Variants in ACTL6A observed in about 807,000 individuals in gnomAD.
The protein encoded by ACTL6A is actin-like protein 6A.
In ACTL6A, 5 loss-of-function variants were observed where a neutral mutation model predicts 59.2. The ratio of observed to expected loss-of-function variants is 0.08; its 90% CI spans 0.04 to 0.18. The LOEUF (loss-of-function observed/expected upper bound fraction) is 0.18, where lower values mean the gene tolerates loss of function less well. Ranked by LOEUF, ACTL6A falls within the 10% of genes least tolerant of loss-of-function variation. ACTL6A has a pLI of 1.00. For synonymous variants in ACTL6A, 154 were observed against 171.8 expected (o/e 0.90, Z 0.81); for missense variants, 285 against 526.9 (o/e 0.54, Z 4.49).
intron 1 of ACTL6A, among the ~76,000 whole-genome samples, chr3:179,563,447 T>C (rs1299143030): frequency 6.6e-6 from 1 of 152,200 alleles, no homozygotes; most frequent in African/African-American, 2.4e-5. Flanking sequence ...GGGCCCCGGC[T>C]TGGGTGACCG....
chr3:179,586,484 AAAG>A, intron 12 of ACTL6A, 59 bp from the exon 13 acceptor site: 67 of 1,254,376 alleles, frequency 5.3e-5, no homozygotes, highest in Admixed American at 3.8e-4. Context: ...AAAAAAAAAA[AAAG>A]AATTTTCTAA....
intron 11 of ACTL6A, among the ~76,000 whole-genome samples, chr3:179,582,991 GT>G (rs1483168935): frequency 1.3e-5 from 2 of 152,160 alleles, no homozygotes; most frequent in Admixed American, 6.6e-5. Flanking sequence ...AGGCAGGATT[GT>G]TTGAACCCAG....
At chr3:179,563,212 C>T (rs1391269067) in intron 1 of ACTL6A, 95 bp downstream of exon 1, 6 of 1,512,636 alleles carry the variant, frequency 4.0e-6, no homozygotes, top group Admixed American at 4.0e-5. Context: ...CGTTCCCTTC[C>T]GGTCTCCCCC....
chr3:179,569,718 A>T, intron 1 of ACTL6A, 106 bp from the exon 2 acceptor site: 1 of 917,346 alleles, frequency 1.1e-6, no homozygotes, highest in Non-Finnish European at 1.8e-6. Flanking sequence ...TGGAAGACTG[A>T]GGCGGGAGGA....
intron 11 of ACTL6A, among the ~76,000 whole-genome samples, chr3:179,582,165 T>G (rs978558246): frequency 6.6e-6 from 1 of 152,258 alleles, no homozygotes; most frequent in East Asian, 1.9e-4. Context: ...TGGGATTTTT[T>G]TAGCGCAAAT....
intron 1 of ACTL6A, among the ~76,000 whole-genome samples, chr3:179,567,173 C>T (rs897423639): frequency 6.6e-6 from 1 of 152,064 alleles, no homozygotes; most frequent in African/African-American, 2.4e-5. Context: ...TGAGACCAGC[C>T]TGGCCAACAT....
chr3:179,586,489 ATTTT>A, intron 12 of ACTL6A, 53 bp from the exon 13 acceptor site: 2 of 1,221,274 alleles, frequency 1.6e-6, no homozygotes, highest in South Asian at 3.2e-5. Context: ...AAAAAAAAGA[ATTTT>A]CTAAGTTGAG....
chr3:179,569,931 G>A (rs1360398374), intron 2 of ACTL6A, 31 bp downstream of exon 2: 1 of 1,598,096 alleles, frequency 6.3e-7, no homozygotes, highest in Non-Finnish European at 8.5e-7. Flanking sequence ...AATTGGATAT[G>A]TAAAGCCATT....
intron 8 of ACTL6A, among the ~76,000 whole-genome samples, chr3:179,577,788 C>A (rs776566471): frequency 3.3e-5 from 5 of 151,380 alleles, no homozygotes; most frequent in Non-Finnish European, 7.4e-5. Context: ...AGCTCCATCC[C>A]TGTTCCTTCA....
chr3:179,575,844 A>G (rs1718151323), intron 5 of ACTL6A, among the ~76,000 whole-genome samples: 1 of 152,144 alleles, frequency 6.6e-6, no homozygotes, highest in Admixed American at 6.6e-5. Context: ...ACAACCTCCC[A>G]CTGTTCTTAC....
At chr3:179,579,954 A>G (rs1346275093) in intron 8 of ACTL6A, among the ~76,000 whole-genome samples, 1 of 152,088 alleles carries the variant, frequency 6.6e-6, no homozygotes, top group African/African-American at 2.4e-5. Flanking sequence ...TTTTATTTTT[A>G]TAGAGACAGT....
At chr3:179,568,656 T>C (rs1477352550) in intron 1 of ACTL6A, among the ~76,000 whole-genome samples, 1 of 152,182 alleles carries the variant, frequency 6.6e-6, no homozygotes, top group African/African-American at 2.4e-5. Flanking sequence ...CATATGTAGA[T>C]CTAAAGTGTT....
At chr3:179,567,867 CTG>C (rs1177454318) in intron 1 of ACTL6A, among the ~76,000 whole-genome samples, 7 of 152,102 alleles carry the variant, frequency 4.6e-5, no homozygotes, top group Non-Finnish European at 8.8e-5. Context: ...AAATATGTCT[CTG>C]TTTTATTTGA....
chr3:179,575,448 AAGGC>A, intron 5 of ACTL6A: 1 of 456,742 alleles, frequency 2.2e-6, no homozygotes, highest in South Asian at 1.5e-5. Flanking sequence ...CTTCAGGGAA[AAGGC>A]AGTTTTGGTG....
intron 4 of ACTL6A, 99 bp downstream of exon 4, chr3:179,573,568 T>G: frequency 1.3e-6 from 1 of 767,618 alleles, no homozygotes; most frequent in Non-Finnish European, 2.0e-6. Flanking sequence ...CATTTTTCTT[T>G]AAAGAGGCAT....
Position 179,563,019 on chromosome 3 carries a change from G to C in ACTL6A, c.-74G>C. On this transcript the variant is annotated 5_prime_UTR_variant, in exon 1 of 14. Transcript: ENST00000429709. ...AGGGAGTCAGGGGCTATCGCTCCTCGAGACTCGCAGTCGCGGCCACTGCAG... is the reference window on the plus strand; with the variant it reads ...AGGGAGTCAGGGGCTATCGCTCCTCCAGACTCGCAGTCGCGGCCACTGCAG... 2 of 1,582,578 alleles carry C rather than the reference G, an allele frequency of 1.3e-6. No individual in the cohort carries two copies. The highest frequency in any genetic ancestry group is 1.7e-6 in the Non-Finnish European group (2 of 1,166,074).
At chr3:179,566,436 A>G (rs1717836723) in intron 1 of ACTL6A, among the ~76,000 whole-genome samples, 1 of 152,200 alleles carries the variant, frequency 6.6e-6, no homozygotes, top group African/African-American at 2.4e-5. Context: ...AAAACATTCT[A>G]AGAAGGGATT....
At chr3:179,576,579 G>C (rs1175122221) in intron 6 of ACTL6A, 41 bp from the exon 7 acceptor site, 2 of 1,492,806 alleles carry the variant, frequency 1.3e-6, no homozygotes, top group South Asian at 2.3e-5. Flanking sequence ...AAGGAAGTTT[G>C]GACTTACTGC....
intron 1 of ACTL6A, among the ~76,000 whole-genome samples, chr3:179,565,451 T>A (rs1717806287): frequency 1.3e-5 from 2 of 149,458 alleles, no homozygotes; most frequent in South Asian, 2.1e-4. Context: ...ATATATGTTA[T>A]ATATATTACA....
Sources: allele counts gnomAD v4.1 joint callset (sites outside exome capture counted in the v4.1 genomes callset), GRCh38; gene constraint gnomAD v4.1.1; transcripts MANE v1.5; gene names NCBI Gene and HGNC (gene_info 2026-07-23, HGNC 2026-07-21).